ANAPC5: variants seen among roughly 807,000 people sequenced by gnomAD.
ANAPC5 encodes the protein anaphase promoting complex subunit 5, also known as anaphase-promoting complex subunit 5.
Under a neutral mutation model 91.3 loss-of-function variants are expected in ANAPC5, and 60 were observed. The observed-to-expected ratio is 0.66, with a 90% confidence interval of 0.53 to 0.81. ANAPC5 has a LOEUF of 0.81. ANAPC5 is among the 40% of genes least tolerant of loss of function. The pLI is 0.00. For synonymous variants in ANAPC5, 340 were observed against 364.1 expected (o/e 0.93, Z 0.75); for missense variants, 690 against 931.5 (o/e 0.74, Z 3.37).
intron 10 of ANAPC5, chr12:121,327,797 A>C (rs189510319): frequency 1.3e-5 from 2 of 157,136 alleles, no homozygotes; most frequent in Admixed American, 1.3e-4. Flanking sequence ...GCTAAATGTG[A>C]AAGTACACAA....
At chr12:121,333,173 G>A (rs1422228953) in intron 7 of ANAPC5, 2 of 152,060 alleles carry the variant, frequency 1.3e-5, no homozygotes, top group African/African-American at 4.8e-5. Context: ...AAAATTAGTT[G>A]GGCATGGTGG....
At chr12:121,348,378 C>A (rs1042575518) in intron 1 of ANAPC5, among the ~76,000 whole-genome samples, 1 of 152,090 alleles carries the variant, frequency 6.6e-6, no homozygotes, top group African/African-American at 2.4e-5. Context: ...AAGAGTATGA[C>A]GAGAGGCCGG....
In ANAPC5 at chr12:121,339,868, G is replaced by GTT. The variant is rs71079054; in HGVS notation, c.657+2133_657+2134dup. 4.7e-3 allele frequency among the ~76,000 whole-genome samples: 494 copies of GTT among 104,440 alleles called. 3 individuals are homozygous for GTT. Among genetic ancestry groups the GTT allele is most frequent in the Middle Eastern group, 0.018 (3 of 164 alleles). The allele number at this position is 104,440 out of a possible 152,430, so 68.5% of individuals were successfully genotyped here. A position where few individuals can be genotyped will look rare whatever the true frequency, so the allele number is the denominator to read the frequency against. ...ATCTTCTCCTACATGTTTTCTTCCA[G>GTT]TTTTTTTTTTTTTTTTTTTTTTTCC... On this transcript the variant is annotated intron_variant, in intron 5 of 16. Coordinates refer to ENST00000261819, the MANE Select transcript of ANAPC5 (RefSeq NM_016237.5).
intron 4 of ANAPC5, among the ~76,000 whole-genome samples, chr12:121,345,256 G>A (rs1903617648): frequency 6.6e-6 from 1 of 152,142 alleles, no homozygotes; most frequent in Admixed American, 6.5e-5. Flanking sequence ...ACCTTAGAAG[G>A]CATTCAATAA....
At chr12:121,318,194 T>C in intron 15 of ANAPC5, 83 bp downstream of exon 15, 2 of 1,402,080 alleles carry the variant, frequency 1.4e-6, no homozygotes, top group East Asian at 2.5e-5. Context: ...AACTCATTAT[T>C]ATCCTTTCAA....
At chr12:121,348,823 T>C (rs532232551) in intron 1 of ANAPC5, among the ~76,000 whole-genome samples, 2 of 152,186 alleles carry the variant, frequency 1.3e-5, no homozygotes, top group Non-Finnish European at 2.9e-5. Context: ...AACCCAGCAA[T>C]TGCACTTCTA....
chr12:121,320,635 G>A (rs551221870), intron 11 of ANAPC5, 176 bp from the exon 12 acceptor site: 8 of 460,140 alleles, frequency 1.7e-5, no homozygotes, highest in Middle Eastern at 5.6e-4. Flanking sequence ...ACAGAGTCTC[G>A]CTCTGTAGCC....
intron 11 of ANAPC5, among the ~76,000 whole-genome samples, chr12:121,321,833 C>T (rs1315093378): frequency 1.3e-5 from 2 of 151,100 alleles, no homozygotes; most frequent in Non-Finnish European, 2.9e-5. Context: ...CCAATGTGCC[C>T]GGCTGACAAA....
intron 12 of ANAPC5, 84 bp downstream of exon 12, chr12:121,320,301 A>T: frequency 7.7e-7 from 1 of 1,293,352 alleles, no homozygotes; most frequent in South Asian, 1.3e-5. Context: ...TATTTTTCTG[A>T]GGGGAGATTA....
At chr12:121,317,635 T>G (rs969853118) in intron 15 of ANAPC5, among the ~76,000 whole-genome samples, 9 of 152,038 alleles carry the variant, frequency 5.9e-5, no homozygotes, top group Admixed American at 4.6e-4. Flanking sequence ...CCCCTAGAGA[T>G]TCTGACTCCG....
intron 9 of ANAPC5, among the ~76,000 whole-genome samples, 196 bp downstream of exon 9, chr12:121,330,387 C>T (rs575370452): frequency 6.6e-6 from 1 of 152,286 alleles, no homozygotes; most frequent in African/African-American, 2.4e-5. Context: ...TATTAGGATA[C>T]AGGGAACAGA....
chr12:121,313,833 C>T (rs1254280221), intron 15 of ANAPC5, among the ~76,000 whole-genome samples: 1 of 152,180 alleles, frequency 6.6e-6, no homozygotes, highest in East Asian at 1.9e-4. Context: ...CAATTAACAC[C>T]AATCCTTCTC....
intron 11 of ANAPC5, among the ~76,000 whole-genome samples, chr12:121,325,117 T>A (rs1479337222): frequency 1.3e-5 from 2 of 152,168 alleles, no homozygotes; most frequent in African/African-American, 2.4e-5. Context: ...TTTGCTGTGA[T>A]TGCACCACTA....
Position 121,352,408 on chromosome 12 carries a change from T to C in ANAPC5, c.-68A>G. On this transcript the variant is annotated 5_prime_UTR_variant, in exon 1 of 17. Transcript: ENST00000261819. The stretch of plus-strand genomic sequence containing the variant: ...CAGTTGTCACCACAAGGCACAACAC[T>C]ACCGGGTCTACATCTCCGCCCGCCC... The C allele has an allele frequency of 7.8e-7, 1 of 1,274,722 alleles. No homozygotes were observed. Among genetic ancestry groups the C allele is most frequent in the Non-Finnish European group, 1.1e-6 (1 of 906,788 alleles). The allele number at this position is 1,274,722 out of a possible 1,614,324, so 79.0% of individuals were successfully genotyped here.
chr12:121,309,619 A>G, intron 16 of ANAPC5, 82 bp downstream of exon 16: 1 of 1,470,784 alleles, frequency 6.8e-7, no homozygotes, highest in Non-Finnish European at 9.1e-7. Context: ...TCCCAAATTT[A>G]ATGTCTTTTC....
Position 121,318,364 on chromosome 12 carries a change from G to A in ANAPC5, c.1806C>T (p.Pro602=). 1 of 1,612,296 alleles carries A rather than the reference G, an allele frequency of 6.2e-7. No individual in the cohort carries two copies. The highest frequency in any genetic ancestry group is 8.5e-7 in the Non-Finnish European group (1 of 1,179,132). The change falls in exon 15 of 17, where the codon CCC becomes CCT. Residue 602 remains proline, a synonymous_variant. Transcript: ENST00000261819. ...WRSSSPTIAL[P]MLLQALALSK... is the part of the protein sequence containing the mutation. ...AGAGGGCCAGAGCCTGCAGGAGCAT[G>A]GGCAGCGCGATGGTAGGGGAGGAAG...
intron 11 of ANAPC5, among the ~76,000 whole-genome samples, chr12:121,324,899 G>T (rs782385414): frequency 6.6e-6 from 1 of 152,014 alleles, no homozygotes; most frequent in Non-Finnish European, 1.5e-5. Flanking sequence ...TAAAAAATAC[G>T]CTGGGTGTGG....
intron 15 of ANAPC5, among the ~76,000 whole-genome samples, chr12:121,313,132 C>T (rs1593572782): frequency 3.3e-5 from 5 of 152,238 alleles, no homozygotes; most frequent in Admixed American, 3.3e-4. Flanking sequence ...TCGAGGCCAG[C>T]CTGGCCAACA....
intron 16 of ANAPC5, among the ~76,000 whole-genome samples, chr12:121,309,089 C>A (rs190667168): frequency 5.2e-4 from 74 of 141,928 alleles, no homozygotes; most frequent in African/African-American, 1.8e-3. Context: ...GCAGAGGTTG[C>A]AGTGAGCTGA....
Sources: gnomAD v4.1 joint callset for allele counts (sites outside exome capture counted in the v4.1 genomes callset) on GRCh38, gnomAD v4.1.1 for gene constraint, MANE v1.5 for transcripts, NCBI Gene and HGNC (gene_info 2026-07-23, HGNC 2026-07-21) for gene names.